SGIP1: variants seen among roughly 807,000 people sequenced by gnomAD.
SGIP1 encodes SH3GL interacting endocytic adaptor 1, also known as SH3-containing GRB2-like protein 3-interacting protein 1.
In SGIP1, 38 loss-of-function variants were observed where a neutral mutation model predicts 107.5. The ratio of observed to expected loss-of-function variants is 0.35; its 90% confidence interval spans 0.27 to 0.46. The LOEUF (loss-of-function observed/expected upper bound fraction) is 0.46. Among genes scored for constraint, SGIP1 ranks in the 20% least tolerant of loss-of-function variants. SGIP1 has a pLI of 1.00. For missense variants in SGIP1, 929 were observed against 1,019.5 expected, an observed-to-expected ratio of 0.91 and a Z score of 1.21; for synonymous variants, 365 against 366.1, an observed-to-expected ratio of 1.00 and a Z score of 0.03.
intron 3 of SGIP1, chr1:66,633,976 T>G: frequency 3.2e-6 from 3 of 936,660 alleles, no homozygotes; most frequent in South Asian, 3.1e-5. Flanking sequence ...GTTCTTAGCT[T>G]TGGGGCGCCT....
At chr1:66,641,124 A>G (rs1359761549) in intron 5 of SGIP1, among the ~76,000 whole-genome samples, 5 of 152,134 alleles carry the variant, frequency 3.3e-5, no homozygotes, top group African/African-American at 1.2e-4. Flanking sequence ...TAGGTCAAAG[A>G]GTACAAATTT....
At chr1:66,535,619 T>C (rs978183873) in intron 1 of SGIP1, among the ~76,000 whole-genome samples, 2 of 152,192 alleles carry the variant, frequency 1.3e-5, no homozygotes, top group African/African-American at 4.8e-5. Context: ...TTTTAGAAGA[T>C]AGCCTTAAAA....
intron 7 of SGIP1, among the ~76,000 whole-genome samples, chr1:66,658,281 T>C (rs1265491268): frequency 6.6e-6 from 1 of 152,234 alleles, no homozygotes; most frequent in Non-Finnish European, 1.5e-5. Flanking sequence ...GTTTTTGCTC[T>C]AGGAGAAAAT....
At chr1:66,646,690 A>T (rs1227735416) in intron 7 of SGIP1, among the ~76,000 whole-genome samples, 1 of 152,220 alleles carries the variant, frequency 6.6e-6, no homozygotes, top group Non-Finnish European at 1.5e-5. Context: ...TGTATATACA[A>T]TATAAACTTA....
intron 9 of SGIP1, among the ~76,000 whole-genome samples, chr1:66,669,376 A>G (rs1309476356): frequency 6.6e-6 from 1 of 152,170 alleles, no homozygotes; most frequent in Non-Finnish European, 1.5e-5. Context: ...TCTTCAATAC[A>G]ACCTCTGGGA....
intron 21 of SGIP1, among the ~76,000 whole-genome samples, chr1:66,735,406 G>T (rs998917174): frequency 1.6e-4 from 24 of 151,716 alleles, no homozygotes; most frequent in Non-Finnish European, 3.2e-4. Flanking sequence ...ATAGAGACGG[G>T]GTTTCACCAT....
chr1:66,732,952 C>T (rs2094082588), intron 20 of SGIP1, among the ~76,000 whole-genome samples: 1 of 152,132 alleles, frequency 6.6e-6, no homozygotes, highest in Non-Finnish European at 1.5e-5. Flanking sequence ...TCAGCTTCCT[C>T]ATTATACGGG....
chr1:66,650,951 T>TC (rs1468690755), intron 7 of SGIP1, among the ~76,000 whole-genome samples: 1 of 152,162 alleles, frequency 6.6e-6, no homozygotes, highest in African/African-American at 2.4e-5. Flanking sequence ...CCGTTTATTA[T>TC]CCATGTAGCC....
At chr1:66,628,643 A>T (rs1485652555) in intron 2 of SGIP1, 1 of 153,744 alleles carries the variant, frequency 6.5e-6, no homozygotes, top group African/African-American at 2.4e-5. Context: ...GAATGGAAAA[A>T]AGCTTTCTCG....
intron 1 of SGIP1, among the ~76,000 whole-genome samples, chr1:66,565,978 T>C (rs1557904115): frequency 1.3e-5 from 2 of 151,846 alleles, no homozygotes; most frequent in Non-Finnish European, 2.9e-5. Flanking sequence ...TGCCAGCCCA[T>C]GTAATAGTAA....
At chr1:66,548,553 T>G (rs543845817) in intron 1 of SGIP1, among the ~76,000 whole-genome samples, 1 of 152,322 alleles carries the variant, frequency 6.6e-6, no homozygotes, top group East Asian at 1.9e-4. Flanking sequence ...TTTATGTACT[T>G]ATTTTTAAAT....
Position 66,683,700 on chromosome 1 carries a change from CTTTTTTTTTTT to C in SGIP1, c.1315+1349_1315+1359del, listed in dbSNP as rs869266510. ...ACCACACTGTTTGTTTGTTTCTTTT[CTTTTTTTTTTT>C]TTTTTTTTTTTTTTTTTGACAAGGT... On this transcript the variant is annotated intron_variant, in intron 15 of 24. Transcript: ENST00000371037. 7.5e-3 allele frequency among the ~76,000 whole-genome samples: 459 copies of C among 61,424 alleles called. 9 individuals carry two copies. In the Admixed American group the frequency reaches 0.083, roughly 11 times the overall value. 40.3% of individuals were successfully genotyped at this position (61,424 alleles called of 152,430 possible). A position where few individuals can be genotyped will look rare whatever the true frequency, so the allele number is the denominator to read the frequency against.
At chr1:66,707,093 C>T (rs912803954) in intron 18 of SGIP1, among the ~76,000 whole-genome samples, 17 of 152,092 alleles carry the variant, frequency 1.1e-4, no homozygotes, top group East Asian at 5.8e-4. Flanking sequence ...TACACACACA[C>T]GCATGGGCAC....
chr1:66,554,814 G>C (rs549404213), intron 1 of SGIP1, among the ~76,000 whole-genome samples: 2 of 152,220 alleles, frequency 1.3e-5, no homozygotes, highest in African/African-American at 4.8e-5. Context: ...AATAGAAAGA[G>C]TCACAAATTG....
At chr1:66,722,144 C>T (rs916896775) in intron 19 of SGIP1, among the ~76,000 whole-genome samples, 74 of 152,232 alleles carry the variant, frequency 4.9e-4, no homozygotes, top group African/African-American at 1.8e-3. Context: ...GTCTCTCTTC[C>T]ATCACCCCAA....
intron 5 of SGIP1, 128 bp downstream of exon 5, chr1:66,639,961 T>G: frequency 1.4e-6 from 1 of 704,854 alleles, no homozygotes; most frequent in South Asian, 2.0e-5. Flanking sequence ...GTCTGGCATA[T>G]TTAGGATGGG....
chr1:66,733,182 G>C (rs1005115427), intron 20 of SGIP1, among the ~76,000 whole-genome samples: 1 of 152,180 alleles, frequency 6.6e-6, no homozygotes, highest in South Asian at 2.1e-4. Flanking sequence ...TATAAGTGAA[G>C]TGAAATCTTT....
At chr1:66,639,910 A>G in intron 5 of SGIP1, 77 bp downstream of exon 5, 1 of 1,227,034 alleles carries the variant, frequency 8.1e-7, no homozygotes, top group African/African-American at 1.5e-5. Flanking sequence ...TTATAATAGG[A>G]CTTAGAAATA....
chr1:66,699,389 G>A (rs2091526889), intron 18 of SGIP1, among the ~76,000 whole-genome samples: 1 of 152,130 alleles, frequency 6.6e-6, no homozygotes, highest in Non-Finnish European at 1.5e-5. Flanking sequence ...TCTTAGAGGT[G>A]CTGGCAGCTT....
Sources: gnomAD v4.1 joint callset for allele counts (sites outside exome capture counted in the v4.1 genomes callset) on GRCh38, gnomAD v4.1.1 for gene constraint, MANE v1.5 for transcripts, NCBI Gene and HGNC (gene_info 2026-07-23, HGNC 2026-07-21) for gene names.